CEP295: variants seen among roughly 807,000 people sequenced by gnomAD.
The protein encoded by CEP295 is centrosomal protein of 295 kDa.
A neutral mutation model predicts 291.6 loss-of-function variants in CEP295; 190 were observed. The observed-to-expected ratio is 0.65, with a 90% CI of 0.58 to 0.73. The LOEUF is 0.73. Ranked by LOEUF, CEP295 falls within the 30% of genes least tolerant of loss-of-function variation. The pLI is 0.00. For synonymous variants in CEP295, 993 were observed against 1,038.8 expected (o/e 0.96, Z 0.85); for missense variants, 2,863 against 2,949.4 (o/e 0.97, Z 0.68).
chr11:93,666,593 C>CAA, intron 1 of CEP295, 89 bp from the exon 2 acceptor site: 3 of 567,570 alleles, frequency 5.3e-6, no homozygotes, highest in South Asian at 2.5e-5. Flanking sequence ...GACTCTGTCT[C>CAA]AAAAAAAAAC....
chr11:93,726,941 C>T (rs966047810), intron 23 of CEP295, 35 bp from the exon 24 acceptor site: 13 of 1,444,276 alleles, frequency 9.0e-6, no homozygotes, highest in African/African-American at 4.3e-5. Flanking sequence ...CAACATGTAA[C>T]GATGATTAAC....
rs1284173816 is a variant in CEP295 at position 93,729,962 on chromosome 11, G to C, written c.7660G>C (p.Gly2554Arg). ...TACACAGGCTCTAAGGCACCAAAGGGGTCTAAGGTAGGGTTAATTTTTTTT... is the reference window on the plus strand; with the variant it reads ...TACACAGGCTCTAAGGCACCAAAGGCGTCTAAGGTAGGGTTAATTTTTTTT... Reference protein sequence around the residue: ...KTTQALRHQRGLRLYNQLAEV... With the variant: ...KTTQALRHQRRLRLYNQLAEV... The change falls in exon 28 of 30, where the codon GGT becomes CGT. Residue 2554 changes from glycine to arginine, a missense_variant. Transcript: ENST00000325212. The C allele has an allele frequency of 6.6e-7, 1 of 1,525,974 alleles. No individual in the cohort carries two copies. Among genetic ancestry groups the C allele is most frequent in the South Asian group, 1.3e-5 (1 of 78,548 alleles). 94.5% of individuals were successfully genotyped at this position (1,525,974 alleles called of 1,614,324 possible).
At chr11:93,718,986 T>G (rs765332064) in intron 18 of CEP295, among the ~76,000 whole-genome samples, 2 of 152,078 alleles carry the variant, frequency 1.3e-5, no homozygotes, top group African/African-American at 4.8e-5. Context: ...TGCGCACCTG[T>G]AGTCCCAGCT....
At position 93,697,877 on chromosome 11, in the gene CEP295, G is replaced by T; in HGVS notation, c.2965G>T (p.Glu989Ter). 1.3e-6 allele frequency: 2 copies of T among 1,551,640 alleles called. No individual in the cohort carries two copies. Among genetic ancestry groups the T allele is most frequent in the Non-Finnish European group, 1.7e-6 (2 of 1,146,974 alleles). ...TGAATTGGATAGAAGAGTATGTTCC[G>T]AACAGGCTGAGCCCTCTTTCCCATT... is the stretch of plus-strand genomic sequence containing the variant. ...QSELDRRVCS[E>*]QAEPSFPFQV... Residue 989 changes from glutamate (E) to a stop codon, truncating the protein, a stop_gained, in exon 15 of 30, where the codon GAA (glutamate) becomes TAA (stop). Transcript: ENST00000325212. LOFTEE classifies it high-confidence loss of function.
chr11:93,675,441 A>T lies in CEP295; in HGVS notation c.529-130A>T, dbSNP rs557817218. On this transcript the variant is annotated intron_variant, in intron 5 of 29. Transcript: ENST00000325212. The stretch of plus-strand genomic sequence containing the variant: ...TTAACTCAAAAAATTTGATTTCATT[A>T]TGAGCAGATATTTAGCATGTTTTGG... The T allele has an allele frequency of 2.1e-5, 10 of 478,148 alleles. No individual in the cohort carries two copies. The Admixed American group carries it at 2.1e-4, about 10-fold the overall frequency. 29.6% of individuals were successfully genotyped at this position (478,148 alleles called of 1,614,324 possible).
rs185517051 is a variant in CEP295 at position 93,697,342 on chromosome 11, C to T, written c.2430C>T (p.Pro810=). The T allele has an allele frequency of 3.6e-5, 56 of 1,551,756 alleles. No individual in the cohort carries two copies. In the African/African-American group the frequency reaches 6.8e-4, roughly 19 times the overall value. ...TTGAGTCAGGAAAAATTCAAGAACC[C>T]TTTTCAGCCATGAGCAAAAGTACAG... ...VKVESGKIQE[P]FSAMSKSTVS... Residue 810 remains proline, a synonymous_variant, in exon 15 of 30, where the codon CCC becomes CCT. Transcript: ENST00000325212.
chr11:93,668,650 T>C (rs1221707952), intron 3 of CEP295, among the ~76,000 whole-genome samples, 158 bp from the exon 4 acceptor site: 1 of 152,176 alleles, frequency 6.6e-6, no homozygotes. Flanking sequence ...CCCCCTAATA[T>C]GGCATATCAT....
intron 5 of CEP295, among the ~76,000 whole-genome samples, chr11:93,673,547 G>A (rs1950546919): frequency 6.6e-6 from 1 of 151,950 alleles, no homozygotes; most frequent in South Asian, 2.1e-4. Flanking sequence ...AGGCTGGAGG[G>A]CAGTGGTGCA....
At chr11:93,706,957 ATTATT>A in intron 18 of CEP295, 60 bp downstream of exon 18, 1 of 1,347,644 alleles carries the variant, frequency 7.4e-7, no homozygotes, top group Non-Finnish European at 9.9e-7. Flanking sequence ...AAAGATATTT[ATTATT>A]TTGTTATTTG....
intron 6 of CEP295, among the ~76,000 whole-genome samples, chr11:93,677,929 C>G (rs958462709): frequency 1.3e-5 from 2 of 152,152 alleles, no homozygotes; most frequent in African/African-American, 2.4e-5. Context: ...TGCATTGACA[C>G]AAATCTATAG....
chr11:93,714,497 C>T (rs1953105985), intron 18 of CEP295, among the ~76,000 whole-genome samples: 1 of 152,226 alleles, frequency 6.6e-6, no homozygotes, highest in Non-Finnish European at 1.5e-5. Context: ...GTTCCACCCG[C>T]CTCGGCCTCC....
intron 5 of CEP295, among the ~76,000 whole-genome samples, chr11:93,671,446 G>A (rs953116904): frequency 6.6e-6 from 1 of 152,122 alleles, no homozygotes; most frequent in South Asian, 2.1e-4. Context: ...TTGCGTCCCC[G>A]TGACTCCATG....
intron 8 of CEP295, 96 bp downstream of exon 8, chr11:93,683,838 G>T (rs991241931): frequency 4.9e-6 from 7 of 1,435,970 alleles, no homozygotes; most frequent in Non-Finnish European, 6.6e-6. Flanking sequence ...CTTGAAATGA[G>T]TTCTCTGTTT....
At chr11:93,715,321 A>T (rs1395837403) in intron 18 of CEP295, among the ~76,000 whole-genome samples, 1 of 152,142 alleles carries the variant, frequency 6.6e-6, no homozygotes, top group Non-Finnish European at 1.5e-5. Flanking sequence ...CTTAAGGCCC[A>T]GTGGCTCTTC....
Position 93,698,786 on chromosome 11 carries a change from A to G in CEP295, c.3874A>G (p.Ile1292Val), listed in dbSNP as rs1013377568. ...SSEQTGSSSF[I>V]PQLVQLSFTS... ...TGAACAAACTGGTTCATCTTCATTC[A>G]TACCCCAGTTGGTACAGCTTTCATT... The change falls in exon 15 of 30, where the codon ATA becomes GTA. Residue 1292 changes from isoleucine to valine, a missense_variant. Physicochemically the swap from Ile to Val is conservative, Grantham distance 29 (BLOSUM62 3). Transcript: ENST00000325212. 5 of 1,551,730 alleles carry G rather than the reference A, an allele frequency of 3.2e-6. No homozygotes were observed. The highest frequency in any genetic ancestry group is 2.4e-5 in the East Asian group (1 of 40,918).
At chr11:93,702,275 A>C (rs1386677357) in intron 15 of CEP295, among the ~76,000 whole-genome samples, 185 bp from the exon 16 acceptor site, 1 of 152,098 alleles carries the variant, frequency 6.6e-6, no homozygotes, top group Admixed American at 6.5e-5. Context: ...TTGTATTTTC[A>C]ATGGAAATAT....
At chr11:93,722,767 T>A (rs1953836660) in intron 20 of CEP295, 1 of 285,894 alleles carries the variant, frequency 3.5e-6, no homozygotes, top group Admixed American at 4.9e-5. Flanking sequence ...ATTACATTTT[T>A]TTTTCTTTTG....
chr11:93,729,232 C>T (rs1937953354), intron 25 of CEP295: 1 of 598,072 alleles, frequency 1.7e-6, no homozygotes, highest in Admixed American at 2.9e-5. Flanking sequence ...AAGCCCAGTT[C>T]AAGACCAGCC....
At chr11:93,690,322 CGGGGCAGGCAGATCACGAGGT>C in intron 10 of CEP295, among the ~76,000 whole-genome samples, 1 of 152,032 alleles carries the variant, frequency 6.6e-6, no homozygotes, top group Non-Finnish European at 1.5e-5. Context: ...TTTGGGAGGC[CGGGGCAGGCAGATCACGAGGT>C]CAGGAGATTG....
Sources: allele counts gnomAD v4.1 joint callset (sites outside exome capture counted in the v4.1 genomes callset), GRCh38; gene constraint gnomAD v4.1.1; transcripts MANE v1.5; gene names NCBI Gene and HGNC (gene_info 2026-07-23, HGNC 2026-07-21).